SEMA3D: variants seen among roughly 807,000 people sequenced by gnomAD.
SEMA3D encodes semaphorin 3D.
Under a neutral mutation model 100.1 loss-of-function variants are expected in SEMA3D, and 84 were observed. The observed-to-expected ratio is 0.84, with a 90% CI of 0.70 to 1.01. The LOEUF (loss-of-function observed/expected upper bound fraction) is 1.01. Ranked by LOEUF, SEMA3D falls within the 50% of genes least tolerant of loss-of-function variation. The pLI is 0.00. For synonymous variants in SEMA3D, 312 were observed against 320.7 expected, an observed-to-expected ratio of 0.97 and a Z score of 0.29; for missense variants, 875 against 934.1, an observed-to-expected ratio of 0.94 and a Z score of 0.82.
rs747183492 is a variant in SEMA3D, at chr7:85,073,028, T to G, written c.429A>C (p.Ile143=). 1 of 1,611,606 alleles carries G rather than the reference T, an allele frequency of 6.2e-7. No individual in the cohort carries two copies. The change falls in exon 6 of 19, where the codon ATA becomes ATC. Residue 143 remains isoleucine (I), a synonymous_variant. Transcript: ENST00000284136. ...RVLQPYNKTH[I]YVCGTGAFHP... is the part of the protein sequence containing the mutation. ...GAAATGCTCCAGTTCCACACACATA[T>G]ATGTGAGTTTTGTTATAGGGCTGAA...
chr7:85,054,264 CT>C (rs1736318942), intron 9 of SEMA3D, among the ~76,000 whole-genome samples: 2 of 151,936 alleles, frequency 1.3e-5, no homozygotes, highest in Admixed American at 6.6e-5. Context: ...CAGAAAGTGA[CT>C]CTTGAAATTC....
intron 12 of SEMA3D, among the ~76,000 whole-genome samples, chr7:85,036,103 T>A (rs1453943203): frequency 3.3e-5 from 5 of 152,012 alleles, no homozygotes; most frequent in African/African-American, 1.2e-4. Context: ...TTGGTAGTAA[T>A]ATTCAGAATA....
chr7:85,240,566 G>T, the SEMA3D span, among the ~76,000 whole-genome samples: 1 of 152,052 alleles, frequency 6.6e-6, no homozygotes, highest in African/African-American at 2.4e-5. Context: ...CAAAGAATTG[G>T]CATAATTTCT....
rs1457162440 is a variant in SEMA3D, at chr7:85,141,054, CTA to C, written c.-41+12552_-41+12553del. ...TTAATTGTTTCCACTTTACTCATCA[CTA>C]TGTTTTCATTTTATTTAATATTCAG... On this transcript the variant is annotated intron_variant, in intron 2 of 18. Coordinates refer to ENST00000284136, the MANE Select transcript of SEMA3D (RefSeq NM_001384900.1). 5 of 846,128 alleles carry C rather than the reference CTA, an allele frequency of 5.9e-6. No homozygotes were observed. The African/African-American group carries it at 7.4e-5, about 12-fold the overall frequency. 52.4% of individuals were successfully genotyped at this position (846,128 alleles called of 1,614,324 possible). A position where few individuals can be genotyped will look rare whatever the true frequency, so the allele number is the denominator to read the frequency against.
At chr7:85,234,823 TG>T in the SEMA3D span, among the ~76,000 whole-genome samples, 9 of 152,202 alleles carry the variant, frequency 5.9e-5, no homozygotes, top group Non-Finnish European at 1.0e-4. Context: ...ATTTATAGCT[TG>T]GCAAAACAAA....
intron 11 of SEMA3D, among the ~76,000 whole-genome samples, chr7:85,040,193 T>C (rs923828970): frequency 2.0e-5 from 3 of 151,972 alleles, no homozygotes; most frequent in Non-Finnish European, 4.4e-5. Flanking sequence ...TTGTCCAGGC[T>C]GGTCTTGAAC....
chr7:85,033,688 G>A (rs1790608544), intron 12 of SEMA3D, among the ~76,000 whole-genome samples: 1 of 151,860 alleles, frequency 6.6e-6, no homozygotes, highest in Admixed American at 6.6e-5. Flanking sequence ...GGCCTGAATG[G>A]TGACAGTCTT....
chr7:85,082,353 T>C (rs1005630289), intron 4 of SEMA3D, among the ~76,000 whole-genome samples: 13 of 152,190 alleles, frequency 8.5e-5, no homozygotes, highest in African/African-American at 2.7e-4. Flanking sequence ...AGTTCAAGGC[T>C]TTTTTCTTTC....
intron 4 of SEMA3D, among the ~76,000 whole-genome samples, chr7:85,082,939 C>G (rs1008844136): frequency 1.3e-5 from 2 of 152,116 alleles, no homozygotes; most frequent in African/African-American, 4.8e-5. Context: ...CTAGAAAATG[C>G]TATTTATTCA....
chr7:85,247,292 T>C, the SEMA3D span, among the ~76,000 whole-genome samples: 1 of 151,824 alleles, frequency 6.6e-6, no homozygotes, highest in Non-Finnish European at 1.5e-5. Context: ...TTAAGAAAAG[T>C]GGAAAAAATA....
intron 7 of SEMA3D, 34 bp from the exon 8 acceptor site, chr7:85,065,586 A>G: frequency 6.4e-7 from 1 of 1,570,828 alleles, no homozygotes; most frequent in African/African-American, 1.3e-5. Context: ...AGAACTTTTA[A>G]GAGTACAGCA....
At chr7:85,145,399 A>G (rs1056272187) in intron 2 of SEMA3D, among the ~76,000 whole-genome samples, 4 of 152,118 alleles carry the variant, frequency 2.6e-5, no homozygotes. Flanking sequence ...TATAAGAAGC[A>G]GAAGCTGGCA....
chr7:85,050,020 C>T (rs985589213), intron 9 of SEMA3D, among the ~76,000 whole-genome samples: 4 of 139,406 alleles, frequency 2.9e-5, no homozygotes, highest in African/African-American at 7.8e-5. Flanking sequence ...CAAGTCTCAC[C>T]GAAAGAACTA....
chr7:85,022,495 C>G lies in SEMA3D; in HGVS notation c.1310G>C (p.Gly437Ala), dbSNP rs1790282481. ...MYKSVYPVAG[G>A]PTFKRINVDY... Reference sequence around the variant, plus strand: ...CACATTGATTCTCTTGAACGTTGGTCCTCCTGCAACTGGGTATACGGACTT... The same window carrying G: ...CACATTGATTCTCTTGAACGTTGGTGCTCCTGCAACTGGGTATACGGACTT... The change falls in exon 13 of 19, where the codon GGA (glycine) becomes GCA (alanine). Residue 437 changes from glycine (G) to alanine (A), a missense_variant. Transcript: ENST00000284136. 1.2e-6 allele frequency: 2 copies of G among 1,612,224 alleles called. No individual in the cohort carries two copies. Among genetic ancestry groups the G allele is most frequent in the Admixed American group, 1.7e-5 (1 of 59,876 alleles).
intron 3 of SEMA3D, among the ~76,000 whole-genome samples, chr7:85,114,715 T>C (rs1248231750): frequency 6.6e-6 from 1 of 152,162 alleles, no homozygotes; most frequent in African/African-American, 2.4e-5. Flanking sequence ...ATCAAAAGCG[T>C]AGAGCTTTTT....
At chr7:85,189,703 T>C (rs1791653438), upstream of SEMA3D, among the ~76,000 whole-genome samples, 1 of 152,158 alleles carries the variant, frequency 6.6e-6, no homozygotes, top group South Asian at 2.1e-4. Context: ...AACTTTCATG[T>C]TCTTGGAAAC....
chr7:85,142,262 C>T (rs1380337017), intron 2 of SEMA3D: 1 of 981,348 alleles, frequency 1.0e-6, no homozygotes, highest in East Asian at 1.1e-4. Context: ...ATTTTTGAAC[C>T]AACAATATCT....
the SEMA3D span, among the ~76,000 whole-genome samples, chr7:85,193,118 G>A: frequency 3.3e-5 from 5 of 152,214 alleles, no homozygotes; most frequent in East Asian, 5.8e-4. Flanking sequence ...TTCTTGGATC[G>A]CTCAGAGAAA....
intron 2 of SEMA3D, among the ~76,000 whole-genome samples, chr7:85,150,053 T>C (rs943479397): frequency 3.3e-5 from 5 of 152,060 alleles, no homozygotes; most frequent in South Asian, 4.1e-4. Context: ...TTCAATCTGA[T>C]TCCAAGGTTT....
Sources: gnomAD v4.1 joint callset for allele counts (sites outside exome capture counted in the v4.1 genomes callset) on GRCh38, gnomAD v4.1.1 for gene constraint, MANE v1.5 for transcripts, NCBI Gene and HGNC (gene_info 2026-07-23, HGNC 2026-07-21) for gene names.